Variants in BABAM1 observed in about 807,000 individuals in gnomAD.
BABAM1 encodes BRISC and BRCA1-A complex member 1.
Under a neutral mutation model 34.4 loss-of-function variants are expected in BABAM1, and 14 were observed. That is an observed-to-expected ratio of 0.41 (90% CI 0.27 to 0.64). The LOEUF (loss-of-function observed/expected upper bound fraction) is 0.64, where lower values mean the gene tolerates loss of function less well. Among genes scored for constraint, BABAM1 ranks in the 30% least tolerant of loss-of-function variants. The pLI, the probability that BABAM1 is intolerant of heterozygous loss-of-function variation, is 0.34. For missense variants in BABAM1, 393 were observed against 434.0 expected, an observed-to-expected ratio of 0.91 and a Z score of 0.84; for synonymous variants, 169 against 165.8, an observed-to-expected ratio of 1.02 and a Z score of -0.15.
At chr19:17,277,894 C>G (rs1033647829) in intron 8 of BABAM1, among the ~76,000 whole-genome samples, 1 of 150,040 alleles carries the variant, frequency 6.7e-6, no homozygotes, top group Non-Finnish European at 1.5e-5. Flanking sequence ...AATAAAAATA[C>G]GGCCAGGTGT....
At chr19:17,276,445 G>A (rs61634114) in intron 6 of BABAM1, 50 bp from the exon 7 acceptor site, 267,886 of 1,560,662 alleles carry the variant, frequency 0.17, 24,334 homozygotes, top group Non-Finnish European at 0.19. Flanking sequence ...TGATAAGAGG[G>A]GCAGACCCCC....
chr19:17,276,773 C>T (rs931575960), intron 7 of BABAM1, 50 bp from the exon 8 acceptor site: 1 of 1,567,134 alleles, frequency 6.4e-7, no homozygotes, highest in Admixed American at 1.9e-5. Context: ...AGTCATGGGG[C>T]ACGGGGTGAC....
chr19:17,274,433 T>C lies in BABAM1; in HGVS notation c.544+248T>C, dbSNP rs1019309253. 11 of 532,776 alleles carry C rather than the reference T, an allele frequency of 2.1e-5. No homozygotes were observed. The African/African-American group carries it at 2.1e-4, about 10-fold the overall frequency. The allele number at this position is 532,776 out of a possible 1,614,324, so 33.0% of individuals were successfully genotyped here. ...AGTACCTGATTTGGTCCGGGCATGG[T>C]GGTCCATGCCTATAATCCCAGCGAC... On this transcript the variant is annotated intron_variant, in intron 5 of 8. Coordinates refer to ENST00000598188, the MANE Select transcript of BABAM1 (RefSeq NM_014173.4).
At chr19:17,272,499 G>T (rs1034155655) in intron 3 of BABAM1, among the ~76,000 whole-genome samples, 10 of 150,574 alleles carry the variant, frequency 6.6e-5, no homozygotes, top group Non-Finnish European at 1.3e-4. Flanking sequence ...TCCGCCTCCC[G>T]GGTTCATGCC....
At chr19:17,277,200 TTC>T (rs2073920491) in intron 8 of BABAM1, 1 of 219,632 alleles carries the variant, frequency 4.6e-6, no homozygotes, top group Non-Finnish European at 7.9e-6. Flanking sequence ...TTCTTTCTTC[TTC>T]TTTTTTTTTT....
In BABAM1 at chr19:17,273,973, C is replaced by T. The variant is rs748484311; in HGVS notation, c.414C>T (p.Ile138=). The change falls in exon 4 of 9, where the codon ATC becomes ATT. Residue 138 remains isoleucine (I), a synonymous_variant. Transcript: ENST00000598188. The stretch of plus-strand genomic sequence containing the variant: ...TGTTCGTGCGGACAAAACACAAGAT[C>T]GACAAAAGCCACGAGTTTGCACTGG... ...IEMFVRTKHK[I]DKSHEFALVV... 10 of 1,613,796 alleles carry T rather than the reference C, an allele frequency of 6.2e-6. No individual in the cohort carries two copies. Among genetic ancestry groups the T allele is most frequent in the Admixed American group, 3.3e-5 (2 of 59,976 alleles).
Position 17,279,010 on chromosome 19 carries a change from G to A in BABAM1, c.952G>A (p.Glu318Lys). The A allele has an allele frequency of 1.2e-6, 2 of 1,612,550 alleles. No individual in the cohort carries two copies. The highest frequency in any genetic ancestry group is 1.7e-6 in the Non-Finnish European group (2 of 1,179,456). ...CCATGCTTCCTACAGCCTGCTGGAG[G>A]AGGAGGATGAAGCCATTGAGGTTGA... ...QSHASYSLLE[E>K]EDEAIEVEAT... The change falls in exon 9 of 9, where the codon GAG becomes AAG. Residue 318 changes from glutamate (E) to lysine (K), a missense_variant. Glu to Lys is a moderately conservative substitution (Grantham distance 56). Coordinates refer to ENST00000598188, the MANE Select transcript of BABAM1 (RefSeq NM_014173.4).
At chr19:17,275,501 G>A (rs2073897618) in intron 5 of BABAM1, among the ~76,000 whole-genome samples, 1 of 152,222 alleles carries the variant, frequency 6.6e-6, no homozygotes, top group South Asian at 2.1e-4. Flanking sequence ...TGTTGGCCAG[G>A]CTGGCCTCGA....
intron 6 of BABAM1, 133 bp from the exon 7 acceptor site, chr19:17,276,362 C>T: frequency 7.2e-7 from 1 of 1,397,326 alleles, no homozygotes; most frequent in South Asian, 1.3e-5. Context: ...GGATGCCTCA[C>T]AGGCAGCAGT....
In BABAM1 at chr19:17,271,583, C is replaced by T. The variant is rs2073841351; in HGVS notation, c.286-14C>T. The T allele has an allele frequency of 1.2e-6, 2 of 1,613,376 alleles. No homozygotes were observed. Among genetic ancestry groups the T allele is most frequent in the Non-Finnish European group, 1.7e-6 (2 of 1,179,614 alleles). On this transcript the variant is annotated splice_polypyrimidine_tract_variant and intron_variant, in intron 2 of 8. Coordinates refer to ENST00000598188, the MANE Select transcript of BABAM1 (RefSeq NM_014173.4). ...AGGTCAGAGGACGCTCACCACCCTC[C>T]AACTACCTTGCAGATTATCTGCCTG...
At chr19:17,274,949 C>CT (rs1413958783) in intron 5 of BABAM1, among the ~76,000 whole-genome samples, 2 of 152,274 alleles carry the variant, frequency 1.3e-5, no homozygotes, top group South Asian at 2.1e-4. Context: ...TCTTGTTGCC[C>CT]TGGCTGAGTG....
intron 5 of BABAM1, 111 bp from the exon 6 acceptor site, chr19:17,275,690 A>C: frequency 2.9e-6 from 4 of 1,388,770 alleles, no homozygotes; most frequent in Non-Finnish European, 4.1e-6. Context: ...GGCCAGGGTC[A>C]CATGGTGCGT....
intron 2 of BABAM1, among the ~76,000 whole-genome samples, chr19:17,269,832 C>A (rs550216143): frequency 4.5e-4 from 69 of 151,952 alleles, no homozygotes; most frequent in African/African-American, 1.6e-3. Context: ...TGGGTTCATG[C>A]CATTCTCCCG....
At chr19:17,276,029 A>T (rs1034908894) in intron 6 of BABAM1, among the ~76,000 whole-genome samples, 3 of 152,006 alleles carry the variant, frequency 2.0e-5, no homozygotes, top group Non-Finnish European at 4.4e-5. Flanking sequence ...GCTCCAGCTG[A>T]CGGCAGTGAT....
At chr19:17,273,401 G>T (rs1020789581) in intron 3 of BABAM1, among the ~76,000 whole-genome samples, 1 of 152,128 alleles carries the variant, frequency 6.6e-6, no homozygotes. Flanking sequence ...CCCATGCTGC[G>T]CAGAGGGACC....
chr19:17,276,537 G>A lies in BABAM1; in HGVS notation c.612G>A (p.Thr204=), dbSNP rs764264413. Residue 204 remains threonine (T), a synonymous_variant, in exon 7 of 9, where the codon ACG becomes ACA. Coordinates refer to ENST00000598188, the MANE Select transcript of BABAM1 (RefSeq NM_014173.4). ...TTCCGGTCACAGAGAACGTGCAGACGATTCCCCCGCCATATGTGGTCCGCA... is the reference window on the plus strand; with the variant it reads ...TTCCGGTCACAGAGAACGTGCAGACAATTCCCCCGCCATATGTGGTCCGCA... ...TELPVTENVQ[T]IPPPYVVRTI... The A allele has an allele frequency of 2.5e-6, 4 of 1,592,776 alleles. No homozygotes were observed. Among genetic ancestry groups the A allele is most frequent in the East Asian group, 2.3e-5 (1 of 43,394 alleles).
At chr19:17,276,252 T>G (rs1268347166) in intron 6 of BABAM1, 1 of 576,914 alleles carries the variant, frequency 1.7e-6, no homozygotes, top group South Asian at 2.0e-5. Flanking sequence ...GGAGAATCGC[T>G]TGAACCTGGG....
chr19:17,268,830 C>T lies in BABAM1; in HGVS notation c.24C>T (p.Ser8=), dbSNP rs2145608507. 1 of 1,608,632 alleles carries T rather than the reference C, an allele frequency of 6.2e-7. No individual in the cohort carries two copies. Among genetic ancestry groups the T allele is most frequent in the East Asian group, 2.2e-5 (1 of 44,744 alleles). Residue 8 remains serine, a synonymous_variant, in exon 2 of 9, where the codon AGC becomes AGT. Transcript: ENST00000598188. ...CCATGGAAGTGGCAGAGCCCAGCAG[C>T]CCCACTGAAGAGGAGGAGGAGGAAG... MEVAEPS[S]PTEEEEEEEE...
chr19:17,272,180 C>T (rs933170025), intron 3 of BABAM1, among the ~76,000 whole-genome samples: 1 of 152,104 alleles, frequency 6.6e-6, no homozygotes, highest in African/African-American at 2.4e-5. Flanking sequence ...GATCTGAAGT[C>T]ATCTGCCTGC....
Sources: gnomAD v4.1 joint callset for allele counts (sites outside exome capture counted in the v4.1 genomes callset) on GRCh38, gnomAD v4.1.1 for gene constraint, MANE v1.5 for transcripts, NCBI Gene and HGNC (gene_info 2026-07-23, HGNC 2026-07-21) for gene names.